Variants in SWAP70 observed in about 807,000 individuals in gnomAD.
SWAP70 encodes the protein switching B cell complex subunit SWAP70.
Under a neutral mutation model 80.2 loss-of-function variants are expected in SWAP70, and 34 were observed. The observed-to-expected ratio is 0.42, with a 90% CI of 0.32 to 0.56. SWAP70 has a LOEUF of 0.56. Among genes scored for constraint, SWAP70 ranks in the 20% least tolerant of loss-of-function variants. The pLI is 0.09. For synonymous variants in SWAP70, 239 were observed against 238.5 expected (o/e 1.00, Z -0.02); for missense variants, 578 against 690.7 (o/e 0.84, Z 1.83).
chr11:9,678,987 T>C (rs956061756), intron 1 of SWAP70, among the ~76,000 whole-genome samples: 1 of 152,174 alleles, frequency 6.6e-6, no homozygotes, highest in Non-Finnish European at 1.5e-5. Context: ...ATTTCCTTCT[T>C]CTCATCCTAC....
chr11:9,747,265 T>C (rs1851523861), intron 9 of SWAP70, among the ~76,000 whole-genome samples: 1 of 152,226 alleles, frequency 6.6e-6, no homozygotes, highest in Non-Finnish European at 1.5e-5. Flanking sequence ...CCTTTCAGGA[T>C]TGTCAGGGGA....
intron 2 of SWAP70, among the ~76,000 whole-genome samples, chr11:9,698,409 T>G (rs183510615): frequency 1.7e-4 from 26 of 151,982 alleles, no homozygotes; most frequent in Non-Finnish European, 7.4e-5. Flanking sequence ...CCTGGGTTCT[T>G]TTTTTTGAGA....
intron 1 of SWAP70, among the ~76,000 whole-genome samples, chr11:9,683,303 G>T (rs901551132): frequency 1.3e-4 from 19 of 151,800 alleles, no homozygotes; most frequent in Non-Finnish European, 1.6e-4. Context: ...GGTGAGGGGT[G>T]GGGGATGGTG....
At chr11:9,746,926 CT>C (rs1281046777) in intron 9 of SWAP70, among the ~76,000 whole-genome samples, 6 of 152,122 alleles carry the variant, frequency 3.9e-5, no homozygotes, top group Non-Finnish European at 2.9e-5. Context: ...TACTTTATTC[CT>C]TTGTTGTTAG....
intron 7 of SWAP70, among the ~76,000 whole-genome samples, chr11:9,736,296 C>T (rs956126560): frequency 2.6e-5 from 4 of 152,020 alleles, no homozygotes; most frequent in Non-Finnish European, 5.9e-5. Flanking sequence ...GTTATTTGAG[C>T]ATAAAATATT....
At chr11:9,684,351 A>G (rs1231093844) in intron 1 of SWAP70, among the ~76,000 whole-genome samples, 1 of 152,158 alleles carries the variant, frequency 6.6e-6, no homozygotes, top group Non-Finnish European at 1.5e-5. Context: ...CAGTGTTGAG[A>G]TTATGGGCAT....
chr11:9,747,174 G>C (rs1328147032), intron 9 of SWAP70, among the ~76,000 whole-genome samples: 5 of 152,180 alleles, frequency 3.3e-5, no homozygotes, highest in Non-Finnish European at 5.9e-5. Context: ...ACAGACCTGG[G>C]TTAAAATCCA....
intron 1 of SWAP70, among the ~76,000 whole-genome samples, chr11:9,665,107 T>TA (rs1452519538): frequency 2.6e-5 from 4 of 152,100 alleles, no homozygotes; most frequent in Non-Finnish European, 4.4e-5. Flanking sequence ...TTCTTCAAAG[T>TA]AAAAAAATAT....
intron 1 of SWAP70, among the ~76,000 whole-genome samples, chr11:9,670,437 G>GT (rs1031383541): frequency 2.0e-5 from 3 of 151,646 alleles, no homozygotes; most frequent in South Asian, 2.1e-4. Context: ...AACACGAAAA[G>GT]TTTTTTTTTG....
chr11:9,725,569 ATTTTTTTT>A (rs746391271), intron 4 of SWAP70, among the ~76,000 whole-genome samples: 24 of 26,584 alleles, frequency 9.0e-4, no homozygotes, highest in African/African-American at 3.3e-3. Context: ...ATATATATAT[ATTTTTTTT>A]TTTTTTTTTT....
At chr11:9,676,142 T>G (rs1850497752) in intron 1 of SWAP70, among the ~76,000 whole-genome samples, 1 of 152,320 alleles carries the variant, frequency 6.6e-6, no homozygotes, top group Admixed American at 6.5e-5. Flanking sequence ...TCATGAATAG[T>G]CCTTTCTTAG....
intron 1 of SWAP70, among the ~76,000 whole-genome samples, chr11:9,679,303 A>G (rs568526670): frequency 6.6e-6 from 1 of 152,336 alleles, no homozygotes; most frequent in Admixed American, 6.5e-5. Context: ...AGTTAGGATG[A>G]AAGTTGTTCT....
intron 1 of SWAP70, among the ~76,000 whole-genome samples, chr11:9,675,955 A>G (rs1850495024): frequency 6.6e-6 from 1 of 152,194 alleles, no homozygotes; most frequent in African/African-American, 2.4e-5. Context: ...TGTCATGTTG[A>G]TTTGGTGTTA....
At chr11:9,736,164 T>C (rs1334074687) in intron 7 of SWAP70, among the ~76,000 whole-genome samples, 3 of 152,174 alleles carry the variant, frequency 2.0e-5, no homozygotes, top group Non-Finnish European at 4.4e-5. Flanking sequence ...GTTTCAGTTA[T>C]GGGACTTTTT....
chr11:9,708,751 C>T (rs1035895357), intron 2 of SWAP70, among the ~76,000 whole-genome samples: 5 of 152,154 alleles, frequency 3.3e-5, no homozygotes, highest in African/African-American at 1.2e-4. Flanking sequence ...TGTGGCATAT[C>T]TTCCACTTAG....
chr11:9,747,790 C>T (rs2133820839), intron 9 of SWAP70, 68 bp from the exon 10 acceptor site: 7 of 1,453,792 alleles, frequency 4.8e-6, no homozygotes, highest in East Asian at 4.5e-5. Flanking sequence ...TAAAATGCTT[C>T]CCTCGTCTGC....
rs1350924680 is a variant in SWAP70, at chr11:9,675,392, A to C, written c.99+11114A>C. 6.1e-5 allele frequency among the ~76,000 whole-genome samples: 7 copies of C among 115,136 alleles called. 1 individual carries two copies. The highest frequency in any genetic ancestry group is 1.8e-4 in the African/African-American group (5 of 27,936). 75.5% of individuals were successfully genotyped at this position (115,136 alleles called of 152,430 possible). ...GAGAGAGAGAGAGAGAGAGAGAGAGAGAGAGAGAGAGAGAGAGAGAGAGAG... is the reference window on the plus strand; with the variant it reads ...GAGAGAGAGAGAGAGAGAGAGAGAGCGAGAGAGAGAGAGAGAGAGAGAGAG... On this transcript the variant is annotated intron_variant, in intron 1 of 11. Transcript: ENST00000318950.
At chr11:9,747,592 C>CA (rs1253633915) in intron 9 of SWAP70, among the ~76,000 whole-genome samples, 3 of 152,204 alleles carry the variant, frequency 2.0e-5, no homozygotes, top group African/African-American at 7.2e-5. Context: ...ACTCTTAGGC[C>CA]AGTTCCTGGC....
chr11:9,698,131 C>T (rs530489362), intron 2 of SWAP70, among the ~76,000 whole-genome samples: 68 of 132,302 alleles, frequency 5.1e-4, no homozygotes, highest in African/African-American at 1.8e-3. Flanking sequence ...GACCAGGTCT[C>T]GCTCTGTCAC....
Sources: gnomAD v4.1 joint callset for allele counts (sites outside exome capture counted in the v4.1 genomes callset) on GRCh38, gnomAD v4.1.1 for gene constraint, MANE v1.5 for transcripts, NCBI Gene and HGNC (gene_info 2026-07-23, HGNC 2026-07-21) for gene names.